The following VWA2 variants were observed in gnomAD, a reference collection of about 807,000 sequenced individuals.
The protein encoded by VWA2 is von Willebrand factor A domain containing 2.
In VWA2, 73 loss-of-function variants were observed where a neutral mutation model predicts 70.4. That is an observed-to-expected ratio of 1.04 (90% CI 0.86 to 1.26). The LOEUF is 1.26. VWA2 is among the 50% of genes most tolerant of loss of function. VWA2 has a pLI of 0.00. For missense variants in VWA2, 1,011 were observed against 998.5 expected, an observed-to-expected ratio of 1.01 and a Z score of -0.17; for synonymous variants, 407 against 423.3, an observed-to-expected ratio of 0.96 and a Z score of 0.47.
At chr10:114,276,284 C>T (rs1381923148) in intron 6 of VWA2, among the ~76,000 whole-genome samples, 1 of 152,166 alleles carries the variant, frequency 6.6e-6, no homozygotes, top group Admixed American at 6.5e-5. Context: ...AACGTGTGCT[C>T]CCTGGATGCA....
chr10:114,264,644 CTCCTGACCTCGT>C (rs1402874238), intron 5 of VWA2, among the ~76,000 whole-genome samples: 4 of 152,120 alleles, frequency 2.6e-5, no homozygotes, highest in Non-Finnish European at 5.9e-5. Context: ...TGGTCACTAT[CTCCTGACCTCGT>C]GATCTGCCTG....
chr10:114,268,567 G>A (rs1164231391), intron 5 of VWA2, among the ~76,000 whole-genome samples: 1 of 152,130 alleles, frequency 6.6e-6, no homozygotes, highest in African/African-American at 2.4e-5. Context: ...GGAAATATTA[G>A]CAGTTACTGT....
At chr10:114,279,651 C>T (rs1025528186) in intron 8 of VWA2, among the ~76,000 whole-genome samples, 6 of 152,166 alleles carry the variant, frequency 3.9e-5, no homozygotes, top group Non-Finnish European at 8.8e-5. Context: ...TCTGGGGCCA[C>T]CAGAGGCTCT....
At chr10:114,266,158 G>T (rs192156726) in intron 5 of VWA2, among the ~76,000 whole-genome samples, 2 of 151,942 alleles carry the variant, frequency 1.3e-5, no homozygotes, top group Non-Finnish European at 2.9e-5. Context: ...TTAGCCGGGC[G>T]TGGTGGCGGG....
intron 1 of VWA2, 132 bp from the exon 2 acceptor site, chr10:114,248,572 T>C (rs71484935): frequency 0.079 from 56,613 of 715,370 alleles, 2,685 homozygotes; most frequent in Middle Eastern, 0.1. Context: ...TTTCTAGTTA[T>C]TGTGGTGAGG....
intron 6 of VWA2, among the ~76,000 whole-genome samples, chr10:114,275,590 T>C (rs2037823405): frequency 1.3e-5 from 2 of 152,146 alleles, no homozygotes; most frequent in Admixed American, 1.3e-4. Context: ...TTTTTGGTTT[T>C]TTTTCCCCCA....
chr10:114,264,567 G>A (rs1447310188), intron 5 of VWA2, among the ~76,000 whole-genome samples: 10 of 151,852 alleles, frequency 6.6e-5, no homozygotes, highest in African/African-American at 2.4e-4. Flanking sequence ...GTGGGTGCCC[G>A]CCACCACGCC....
chr10:114,290,165 G>A, intron 12 of VWA2, 75 bp from the exon 13 acceptor site: 1 of 1,527,870 alleles, frequency 6.5e-7, no homozygotes, highest in Non-Finnish European at 8.8e-7. Context: ...CCTCTACTGG[G>A]CTTACTTAGG....
chr10:114,287,187 T>A (rs2039009758), intron 11 of VWA2, among the ~76,000 whole-genome samples: 1 of 152,108 alleles, frequency 6.6e-6, no homozygotes, highest in African/African-American at 2.4e-5. Flanking sequence ...AAACACGTCT[T>A]TTTTTTCTTT....
chr10:114,258,101 T>G (rs2037368633), intron 4 of VWA2, among the ~76,000 whole-genome samples: 1 of 152,192 alleles, frequency 6.6e-6, no homozygotes, highest in Non-Finnish European at 1.5e-5. Context: ...ACCTCCAAGG[T>G]CAGGTGGACC....
Position 114,286,492 on chromosome 10 carries a change from G to A in VWA2, c.1551G>A (p.Leu517=). Residue 517 remains leucine (L), a synonymous_variant, in exon 11 of 14, where the codon CTG becomes CTA. Transcript: ENST00000392982. ...AAATCCCTGAGCTGCAGGGGAAGCT[G>A]TGCAGCCGGCAGCGGCCAGGTAAGG... ...FNQIPELQGK[L]CSRQRPGCRT... The A allele has an allele frequency of 1.3e-6, 2 of 1,579,724 alleles. No homozygotes were observed. The highest frequency in any genetic ancestry group is 2.3e-5 in the South Asian group (2 of 87,920).
At chr10:114,278,164 A>C in intron 7 of VWA2, 117 bp downstream of exon 7, 1 of 1,391,004 alleles carries the variant, frequency 7.2e-7, no homozygotes, top group Non-Finnish European at 9.6e-7. Flanking sequence ...CAAGAGAAAC[A>C]GAGACCGGCA....
chr10:114,261,228 G>A lies in VWA2; in HGVS notation c.304G>A (p.Glu102Lys). ...CCAGTTCAGTTCCACTCCTCATCTG[G>A]AATTCCCCTTGGATTCATTTTCAAC... ...AFQFSSTPHL[E>K]FPLDSFSTQQ... Residue 102 changes from glutamate (E) to lysine (K), a missense_variant, in exon 5 of 14, where the codon GAA becomes AAA. By Grantham distance (56) the Glu-to-Lys change is moderately conservative. Coordinates refer to ENST00000392982, the MANE Select transcript of VWA2 (RefSeq NM_001272046.2). The A allele has an allele frequency of 6.2e-7, 1 of 1,614,168 alleles. No homozygotes were observed. The highest frequency in any genetic ancestry group is 8.5e-7 in the Non-Finnish European group (1 of 1,180,020).
At chr10:114,248,442 G>A (rs2037121239) in intron 1 of VWA2, among the ~76,000 whole-genome samples, 1 of 152,290 alleles carries the variant, frequency 6.6e-6, no homozygotes, top group African/African-American at 2.4e-5. Flanking sequence ...CCCAGGGCCC[G>A]TGGAGGGCTG....
intron 11 of VWA2, among the ~76,000 whole-genome samples, chr10:114,288,454 C>A (rs2039179037): frequency 6.6e-6 from 1 of 152,218 alleles, no homozygotes; most frequent in Non-Finnish European, 1.5e-5. Flanking sequence ...AAGATGTTGT[C>A]ACAAAGGGTT....
chr10:114,279,773 G>A (rs2037974490), intron 8 of VWA2, among the ~76,000 whole-genome samples: 1 of 152,184 alleles, frequency 6.6e-6, no homozygotes, highest in Admixed American at 6.5e-5. Flanking sequence ...CAGTACAGTT[G>A]CTGCCCCCAA....
Position 114,282,571 on chromosome 10 carries a change from G to T in VWA2, c.889G>T (p.Gly297Cys). 1 of 1,613,862 alleles carries T rather than the reference G, an allele frequency of 6.2e-7. No individual in the cohort carries two copies. The highest frequency in any genetic ancestry group is 8.5e-7 in the Non-Finnish European group (1 of 1,179,756). The change falls in exon 9 of 14, where the codon GGC becomes TGC. Residue 297 changes from glycine (G) to cysteine (C), a missense_variant and splice_region_variant. Coordinates refer to ENST00000392982, the MANE Select transcript of VWA2 (RefSeq NM_001272046.2). The part of the protein sequence containing the change: ...PATCYRTTCP[G>C]PCDSQPCQNG... Reference sequence around the variant, plus strand: ...CACCTGCTACAGGACCACCTGCCCAGGTATGGTCTGTCTCTTGGATTTACA... The same window carrying T: ...CACCTGCTACAGGACCACCTGCCCATGTATGGTCTGTCTCTTGGATTTACA...
chr10:114,242,641 G>A (rs956382429), intron 1 of VWA2, among the ~76,000 whole-genome samples: 2 of 151,538 alleles, frequency 1.3e-5, no homozygotes, highest in African/African-American at 2.4e-5. Context: ...TGTGTACCGC[G>A]TACTTCTGGT....
rs770899290 is a variant in VWA2, at chr10:114,278,839, G to C, written c.821G>C (p.Cys274Ser). 9.3e-6 allele frequency: 15 copies of C among 1,612,972 alleles called. No individual in the cohort carries two copies. In the African/African-American group the frequency reaches 1.5e-4, roughly 16 times the overall value. ...RRTLAVLAAH[C>S]PFYSWKRVFL... ...ACCCTTGCGGTGCTGGCTGCACACT[G>C]TCCCTTCTACAGGTTTGTCTGCGCG... The change falls in exon 8 of 14, where the codon TGT (cysteine) becomes TCT (serine). Residue 274 changes from cysteine to serine, a missense_variant. Cys to Ser is a moderately radical substitution (Grantham distance 112). Coordinates refer to ENST00000392982, the MANE Select transcript of VWA2 (RefSeq NM_001272046.2).
Sources: gnomAD v4.1 joint callset for allele counts (sites outside exome capture counted in the v4.1 genomes callset) on GRCh38, gnomAD v4.1.1 for gene constraint, MANE v1.5 for transcripts, NCBI Gene and HGNC (gene_info 2026-07-23, HGNC 2026-07-21) for gene names.